Variants in KAZALD1 observed in about 807,000 individuals in gnomAD.
KAZALD1 encodes the protein kazal-type serine protease inhibitor domain-containing protein 1.
Under a neutral mutation model 27.7 loss-of-function variants are expected in KAZALD1, and 31 were observed. The observed-to-expected ratio is 1.12, with a 90% CI of 0.84 to 1.51. The LOEUF is 1.51. Ranked by LOEUF, KAZALD1 falls within the 40% of genes most tolerant of loss-of-function variation. The pLI is 0.00. For missense variants in KAZALD1, 444 were observed against 408.9 expected (o/e 1.09, Z -0.74); for synonymous variants, 179 against 182.0 (o/e 0.98, Z 0.13).
rs1011221664 is a variant in KAZALD1 at position 101,063,114 on chromosome 10, C to G, written c.511+11C>G. On this transcript the variant is annotated intron_variant, in intron 2 of 4. Transcript: ENST00000370200. ...GGCCCTGCGAATCGGGTACGCATGG[C>G]CCGGGGCCCCCACCCCAGCACTTAG... is the stretch of plus-strand genomic sequence containing the variant. 6.6e-7 allele frequency: 1 copy of G among 1,524,234 alleles called. No individual in the cohort carries two copies. The highest frequency in any genetic ancestry group is 1.4e-5 in the African/African-American group (1 of 72,676). The allele number at this position is 1,524,234 out of a possible 1,614,324, so 94.4% of individuals were successfully genotyped here.
rs530015590 is a variant in KAZALD1, at chr10:101,064,887, G to A, written c.882G>A (p.Glu294=). The A allele has an allele frequency of 1.9e-6, 3 of 1,614,156 alleles. No individual in the cohort carries two copies. The South Asian group carries it at 3.3e-5, about 18-fold the overall frequency. ...LRSLNLVPEE[E]AESEENDDYY is the part of the protein sequence containing the mutation. ...CACTAAACCTGGTTCCTGAGGAGGA[G>A]GCTGAGAGTGAAGAGAATGACGATT... Residue 294 remains glutamate, a synonymous_variant, in exon 5 of 5, where the codon GAG becomes GAA. Coordinates refer to ENST00000370200, the MANE Select transcript of KAZALD1 (RefSeq NM_030929.5).
At chr10:101,068,106 ATCTG>A, downstream of KAZALD1, 2 of 433,670 alleles carry the variant, frequency 4.6e-6, no homozygotes, top group Admixed American at 2.8e-5. Context: ...GACTGGAAAA[ATCTG>A]AATAAAAAAA....
rs544549798 is a variant in KAZALD1, at chr10:101,065,743, G to A, written c.*823G>A. ...GAAAGTTTGAACTTGGGCCTATCCC[G>A]CCTTTGAGGGAGGGAGGCTGGAGCC... On this transcript the variant is annotated 3_prime_UTR_variant, in exon 5 of 5. Transcript: ENST00000370200. Among the ~76,000 whole-genome samples, 4 of 152,226 alleles carry A rather than the reference G, an allele frequency of 2.6e-5. No homozygotes were observed. The highest frequency in any genetic ancestry group is 6.5e-5 in the Admixed American group (1 of 15,276).
rs978490096 is a variant in KAZALD1, at chr10:101,062,116, G to A, written c.-52+1G>A. 26 of 177,656 alleles carry A rather than the reference G, an allele frequency of 1.5e-4. No homozygotes were observed. The highest frequency in any genetic ancestry group is 1.1e-4 in the Non-Finnish European group (9 of 84,664). The allele number at this position is 177,656 out of a possible 1,614,324, so 11.0% of individuals were successfully genotyped here. A position where few individuals can be genotyped will look rare whatever the true frequency, so the allele number is the denominator to read the frequency against. On this transcript the variant is annotated splice_donor_variant, in intron 1 of 4. Transcript: ENST00000370200. LOFTEE classifies it low-confidence loss of function (5UTR_SPLICE). ...CGAAGGGTCTAGTTCCGGACACTAG[G>A]TGAGCACTCTGTGCCCCAGGCCATA...
In KAZALD1 at chr10:101,062,711, G is replaced by C; in HGVS notation, c.119G>C (p.Arg40Pro). The C allele has an allele frequency of 6.5e-7, 1 of 1,533,610 alleles. No individual in the cohort carries two copies. Among genetic ancestry groups the C allele is most frequent in the Non-Finnish European group, 8.7e-7 (1 of 1,148,446 alleles). The change falls in exon 2 of 5, where the codon CGG becomes CCG. Residue 40 changes from arginine (R) to proline (P), a missense_variant. Physicochemically the swap from Arg to Pro is moderately radical, Grantham distance 103. Coordinates refer to ENST00000370200, the MANE Select transcript of KAZALD1 (RefSeq NM_030929.5). ...CCATCCCCAGGCCCAGATTACCTGC[G>C]GCGCGGCTGGATGCGGCTGCTAGCG... is the stretch of plus-strand genomic sequence containing the variant. ...ARPSPGPDYL[R>P]RGWMRLLAEG...
At position 101,065,207 on chromosome 10, in the gene KAZALD1, T is replaced by G. The variant is rs915090615; in HGVS notation, c.*287T>G. On this transcript the variant is annotated 3_prime_UTR_variant, in exon 5 of 5. Transcript: ENST00000370200. Reference sequence around the variant, plus strand: ...ACCTCCAACAGGTTGTTTCCCAGGCTGGGGTGGGGGCCTGAGCAGACACAG... The same window carrying G: ...ACCTCCAACAGGTTGTTTCCCAGGCGGGGGTGGGGGCCTGAGCAGACACAG... 48 of 399,680 alleles carry G rather than the reference T, an allele frequency of 1.2e-4. No homozygotes were observed. In the Admixed American group the frequency reaches 1.7e-3, roughly 14 times the overall value. 24.8% of individuals were successfully genotyped at this position (399,680 alleles called of 1,614,324 possible). A position where few individuals can be genotyped will look rare whatever the true frequency, so the allele number is the denominator to read the frequency against.
In KAZALD1 at chr10:101,066,315, A is replaced by G. The variant is rs1207302500; in HGVS notation, c.*1395A>G. 2.2e-6 allele frequency: 1 copy of G among 447,354 alleles called. No individual in the cohort carries two copies. Among genetic ancestry groups the G allele is most frequent in the Non-Finnish European group, 4.5e-6 (1 of 220,560 alleles). 27.7% of individuals were successfully genotyped at this position (447,354 alleles called of 1,614,324 possible). A position where few individuals can be genotyped will look rare whatever the true frequency, so the allele number is the denominator to read the frequency against. On this transcript the variant is annotated 3_prime_UTR_variant, in exon 5 of 5. Coordinates refer to ENST00000370200, the MANE Select transcript of KAZALD1 (RefSeq NM_030929.5). ...GGGGCCCAACGCAGGGAGCCTGGCC[A>G]CATGGGAGGGGTGTGGTCCGGAACT... is the stretch of plus-strand genomic sequence containing the variant.
Position 101,062,774 on chromosome 10 carries a change from G to A in KAZALD1, c.182G>A (p.Cys61Tyr). 6.4e-7 allele frequency: 1 copy of A among 1,551,400 alleles called. No individual in the cohort carries two copies. Among genetic ancestry groups the A allele is most frequent in the Non-Finnish European group, 8.6e-7 (1 of 1,158,098 alleles). ...EGCAPCRPEECAAPRGCLAGR... is the reference protein window; with the variant it reads ...EGCAPCRPEEYAAPRGCLAGR... ...TGCGCTCCCTGCCGGCCAGAAGAGT[G>A]CGCCGCGCCGCGGGGCTGCCTGGCG... Residue 61 changes from cysteine to tyrosine, a missense_variant, in exon 2 of 5, where the codon TGC becomes TAC. Coordinates refer to ENST00000370200, the MANE Select transcript of KAZALD1 (RefSeq NM_030929.5).
In KAZALD1 at chr10:101,062,737, G is replaced by A; in HGVS notation, c.145G>A (p.Glu49Lys). Residue 49 changes from glutamate to lysine, a missense_variant, in exon 2 of 5, where the codon GAG (glutamate) becomes AAG (lysine). Physicochemically the swap from Glu to Lys is moderately conservative, Grantham distance 56 (BLOSUM62 1). Transcript: ENST00000370200. ...GCGCGGCTGGATGCGGCTGCTAGCG[G>A]AGGGCGAGGGCTGCGCTCCCTGCCG... is the stretch of plus-strand genomic sequence containing the variant. The part of the protein sequence containing the change: ...LRRGWMRLLA[E>K]GEGCAPCRPE... 1 of 1,540,802 alleles carries A rather than the reference G, an allele frequency of 6.5e-7. No homozygotes were observed. Among genetic ancestry groups the A allele is most frequent in the Admixed American group, 1.9e-5 (1 of 52,280 alleles).
intron 1 of KAZALD1, 132 bp from the exon 2 acceptor site, chr10:101,062,410 G>C: frequency 1.2e-6 from 1 of 834,140 alleles, no homozygotes; most frequent in Non-Finnish European, 1.8e-6. Flanking sequence ...AGGCCTGTGT[G>C]TTGGGGGAGG....
At chr10:101,064,208 T>C (rs555931220) in intron 2 of KAZALD1, 53 bp from the exon 3 acceptor site, 12 of 1,604,160 alleles carry the variant, frequency 7.5e-6, no homozygotes, top group Middle Eastern at 1.7e-4. Flanking sequence ...TTTGCCAGAC[T>C]GGATGCCTTT....
chr10:101,066,253 G>A lies in KAZALD1; in HGVS notation c.*1333G>A, dbSNP rs1939315556. 1 of 364,412 alleles carries A rather than the reference G, an allele frequency of 2.7e-6. No homozygotes were observed. The highest frequency in any genetic ancestry group is 5.6e-6 in the Non-Finnish European group (1 of 178,746). The allele number at this position is 364,412 out of a possible 1,614,324, so 22.6% of individuals were successfully genotyped here. A position where few individuals can be genotyped will look rare whatever the true frequency, so the allele number is the denominator to read the frequency against. On this transcript the variant is annotated 3_prime_UTR_variant, in exon 5 of 5. Transcript: ENST00000370200. ...CCCGGATCCTGGCGCCACTGCGGGA[G>A]GGCCTGCCCTTGGCTCAGCGTCAGA...
At position 101,062,759 on chromosome 10, in the gene KAZALD1, G is replaced by A; in HGVS notation, c.167G>A (p.Cys56Tyr). 6.5e-7 allele frequency: 1 copy of A among 1,549,886 alleles called. No individual in the cohort carries two copies. The change falls in exon 2 of 5, where the codon TGC becomes TAC. Residue 56 changes from cysteine to tyrosine, a missense_variant. By Grantham distance (194) the Cys-to-Tyr change is radical (BLOSUM62 -2). Transcript: ENST00000370200. ...LLAEGEGCAPCRPEECAAPRG... is the reference protein window; with the variant it reads ...LLAEGEGCAPYRPEECAAPRG... Reference sequence around the variant, plus strand: ...GCGGAGGGCGAGGGCTGCGCTCCCTGCCGGCCAGAAGAGTGCGCCGCGCCG... The same window carrying A: ...GCGGAGGGCGAGGGCTGCGCTCCCTACCGGCCAGAAGAGTGCGCCGCGCCG...
At position 101,062,598 on chromosome 10, in the gene KAZALD1, G is replaced by T. The variant is rs1564655971; in HGVS notation, c.6G>T (p.Leu2=). The change falls in exon 2 of 5, where the codon CTG becomes CTT. Residue 2 remains leucine (L), a synonymous_variant. Coordinates refer to ENST00000370200, the MANE Select transcript of KAZALD1 (RefSeq NM_030929.5). M[L]PPPRPAAALA... ...CGCAGGGCTTCCCGCTAACCATGCT[G>T]CCGCCGCCGCGGCCCGCAGCTGCCT... 2 of 1,582,172 alleles carry T rather than the reference G, an allele frequency of 1.3e-6. No individual in the cohort carries two copies. Among genetic ancestry groups the T allele is most frequent in the Admixed American group, 1.7e-5 (1 of 58,376 alleles).
In KAZALD1 at chr10:101,064,699, G is replaced by C. The variant is rs774900268; in HGVS notation, c.820+51G>C. On this transcript the variant is annotated intron_variant, in intron 4 of 4. Transcript: ENST00000370200. ...GTTGGGGGGATGGTGCTGGATTCCA[G>C]TTGTGAATGTGTAAGAAACAGACCA... 7 of 1,610,994 alleles carry C rather than the reference G, an allele frequency of 4.3e-6. No individual in the cohort carries two copies. The South Asian group carries it at 7.7e-5, about 18-fold the overall frequency.
chr10:101,064,146 C>A, intron 2 of KAZALD1, 115 bp from the exon 3 acceptor site: 2 of 1,022,230 alleles, frequency 2.0e-6, no homozygotes, highest in Non-Finnish European at 2.9e-6. Context: ...TTTACCTCAG[C>A]ATATATTGTG....
At chr10:101,067,135 AGGGGAGGGGGAGGGAGGGGGAGGGAG>A (rs1939343487), downstream of KAZALD1, 1 of 344,242 alleles carries the variant, frequency 2.9e-6, no homozygotes, top group African/African-American at 2.5e-5. Flanking sequence ...GGGGGAAGGC[AGGGGAGGGGGAGGGAGGGGGAGGGAG>A]GAGGAGGGGG....
Position 101,065,867 on chromosome 10 carries a change from G to T in KAZALD1, c.*947G>T, listed in dbSNP as rs1390221084. ...CATCTTATTCCAAACCCTTCCCCAG[G>T]CCAGAATGGGGAACAGGGCTATGTG... On this transcript the variant is annotated 3_prime_UTR_variant, in exon 5 of 5. Transcript: ENST00000370200. Among the ~76,000 whole-genome samples the T allele has an allele frequency of 6.6e-6, 1 of 152,176 alleles. No homozygotes were observed. The highest frequency in any genetic ancestry group is 1.5e-5 in the Non-Finnish European group (1 of 68,036).
chr10:101,067,639 C>T (rs1283553409), downstream of KAZALD1: 3 of 336,926 alleles, frequency 8.9e-6, no homozygotes, highest in Non-Finnish European at 1.8e-5. Context: ...GGCCGCTTCG[C>T]CCGGCTGCTC....
Sources: allele counts gnomAD v4.1 joint callset (sites outside exome capture counted in the v4.1 genomes callset), GRCh38; gene constraint gnomAD v4.1.1; transcripts MANE v1.5; gene names NCBI Gene and HGNC (gene_info 2026-07-23, HGNC 2026-07-21).